The following KCNQ5 variants were observed in gnomAD, a reference collection of about 807,000 sequenced individuals.
KCNQ5 encodes potassium voltage-gated channel subfamily Q member 5, also known as potassium voltage-gated channel subfamily KQT member 5.
In KCNQ5, 30 loss-of-function variants were observed where a neutral mutation model predicts 98.2. The ratio of observed to expected loss-of-function variants is 0.31; its 90% confidence interval spans 0.23 to 0.41. KCNQ5 has a LOEUF of 0.41. Among genes scored for constraint, KCNQ5 ranks in the 10% least tolerant of loss-of-function variants. The pLI is 1.00. For missense variants in KCNQ5, 835 were observed against 1,182.5 expected (o/e 0.71, Z 4.31); for synonymous variants, 458 against 449.4 (o/e 1.02, Z -0.24).
At chr6:72,927,689 T>C (rs1765493164) in intron 1 of KCNQ5, among the ~76,000 whole-genome samples, 1 of 152,120 alleles carries the variant, frequency 6.6e-6, no homozygotes. Flanking sequence ...TACTCTGTAT[T>C]TTTCTTTAAC....
At chr6:73,071,959 TTAAAATTA>T (rs1420757890) in intron 3 of KCNQ5, among the ~76,000 whole-genome samples, 2 of 152,198 alleles carry the variant, frequency 1.3e-5, no homozygotes, top group East Asian at 3.8e-4. Context: ...GTATATTTTA[TTAAAATTA>T]TTCAAAACTT....
chr6:72,663,726 T>C (rs1256690765), intron 1 of KCNQ5, among the ~76,000 whole-genome samples: 2 of 152,196 alleles, frequency 1.3e-5, no homozygotes, highest in Non-Finnish European at 2.9e-5. Flanking sequence ...TTAAAATGCA[T>C]TCTTCAATTC....
intron 10 of KCNQ5, among the ~76,000 whole-genome samples, chr6:73,155,903 G>A (rs1388028509): frequency 6.6e-6 from 1 of 152,118 alleles, no homozygotes; most frequent in Non-Finnish European, 1.5e-5. Flanking sequence ...ATTTTTCTGG[G>A]TTCCTTATTC....
intron 1 of KCNQ5, among the ~76,000 whole-genome samples, chr6:72,744,714 G>A (rs1771292936): frequency 6.6e-6 from 1 of 152,002 alleles, no homozygotes; most frequent in Non-Finnish European, 1.5e-5. Context: ...GGGAGGCTGA[G>A]GCAGGAGAAT....
Position 72,673,978 on chromosome 6 carries a change from T to C in KCNQ5, c.398+51391T>C, listed in dbSNP as rs540770383. On this transcript the variant is annotated intron_variant, in intron 1 of 13. Coordinates refer to ENST00000370398, the MANE Select transcript of KCNQ5 (RefSeq NM_019842.4). ...TAACGTGAATCAACTTTTTTATTTC[T>C]AGAATTTCAACCAGTATTAGTATAA... Among the ~76,000 whole-genome samples the C allele has an allele frequency of 2.1e-4, 32 of 152,338 alleles. No homozygotes were observed. The East Asian group carries it at 6.0e-3, about 28-fold the overall frequency.
intron 1 of KCNQ5, among the ~76,000 whole-genome samples, chr6:72,856,212 C>T (rs1385686991): frequency 1.3e-5 from 2 of 152,080 alleles, no homozygotes; most frequent in Non-Finnish European, 2.9e-5. Flanking sequence ...TAGATTACAG[C>T]CTACCTGGCA....
At chr6:72,918,667 A>G (rs1043521076) in intron 1 of KCNQ5, among the ~76,000 whole-genome samples, 1 of 152,040 alleles carries the variant, frequency 6.6e-6, no homozygotes, top group African/African-American at 2.4e-5. Context: ...AAGCCAAACC[A>G]ATCAATACAA....
chr6:73,129,658 C>G (rs1776139945), intron 9 of KCNQ5: 1 of 658,310 alleles, frequency 1.5e-6, no homozygotes. Flanking sequence ...ATAGTACTCT[C>G]TGCTTAAATA....
intron 1 of KCNQ5, among the ~76,000 whole-genome samples, chr6:72,659,805 G>A (rs148588147): frequency 1.7e-3 from 260 of 152,280 alleles, no homozygotes; most frequent in Non-Finnish European, 2.7e-3. Context: ...GATACATTTA[G>A]AACATAACAT....
At chr6:73,020,159 GA>G (rs1398861866) in intron 2 of KCNQ5, among the ~76,000 whole-genome samples, 1 of 152,054 alleles carries the variant, frequency 6.6e-6, no homozygotes, top group Non-Finnish European at 1.5e-5. Context: ...CCTGGAGATA[GA>G]GTCAGATCCC....
chr6:72,955,021 A>G (rs904273123), intron 1 of KCNQ5, among the ~76,000 whole-genome samples: 8 of 152,218 alleles, frequency 5.3e-5, no homozygotes, highest in Admixed American at 6.5e-5. Flanking sequence ...TTCTTCCTCC[A>G]GATAGGAGAA....
At chr6:72,727,494 G>A (rs767330337) in intron 1 of KCNQ5, among the ~76,000 whole-genome samples, 1 of 152,122 alleles carries the variant, frequency 6.6e-6, no homozygotes, top group Non-Finnish European at 1.5e-5. Flanking sequence ...TTTCTGAGGG[G>A]CAGCTACTTT....
At chr6:73,155,415 C>T (rs541781007) in intron 10 of KCNQ5, among the ~76,000 whole-genome samples, 18 of 152,230 alleles carry the variant, frequency 1.2e-4, no homozygotes, top group African/African-American at 4.1e-4. Flanking sequence ...AGAAAAGCAA[C>T]GAGGATGGAT....
chr6:72,866,313 G>A (rs567619822), intron 1 of KCNQ5, among the ~76,000 whole-genome samples: 6 of 146,972 alleles, frequency 4.1e-5, no homozygotes, highest in African/African-American at 1.5e-4. Context: ...GAAGTGCAGC[G>A]GTGTGATCTC....
intron 3 of KCNQ5, among the ~76,000 whole-genome samples, chr6:73,051,344 A>G (rs1396218180): frequency 6.6e-6 from 1 of 152,152 alleles, no homozygotes; most frequent in African/African-American, 2.4e-5. Flanking sequence ...ACTCTGCCCC[A>G]GTTGATGAGC....
chr6:72,707,224 G>A (rs528744107), intron 1 of KCNQ5, among the ~76,000 whole-genome samples: 8 of 152,228 alleles, frequency 5.3e-5, no homozygotes, highest in African/African-American at 1.4e-4. Flanking sequence ...TGGATTTTAC[G>A]AATGTTGCCT....
At chr6:73,157,135 T>C (rs1008346575) in intron 10 of KCNQ5, among the ~76,000 whole-genome samples, 1 of 152,218 alleles carries the variant, frequency 6.6e-6, no homozygotes, top group African/African-American at 2.4e-5. Context: ...CGTAAGCGTC[T>C]TCATTCGTGC....
chr6:72,803,009 C>A (rs571931748), intron 1 of KCNQ5, among the ~76,000 whole-genome samples: 3 of 152,210 alleles, frequency 2.0e-5, no homozygotes, highest in Admixed American at 2.0e-4. Context: ...TTAAAGTTTC[C>A]TGAGATAATC....
intron 1 of KCNQ5, among the ~76,000 whole-genome samples, chr6:72,946,866 C>T (rs767743078): frequency 2.6e-5 from 4 of 152,120 alleles, no homozygotes; most frequent in Non-Finnish European, 5.9e-5. Flanking sequence ...TCTTTTTCCT[C>T]CTATGATAAT....
Sources: allele counts gnomAD v4.1 joint callset (sites outside exome capture counted in the v4.1 genomes callset), GRCh38; gene constraint gnomAD v4.1.1; transcripts MANE v1.5; gene names NCBI Gene and HGNC (gene_info 2026-07-23, HGNC 2026-07-21).